Variants in KIF13B observed in about 807,000 individuals in gnomAD.
KIF13B encodes kinesin family member 13B, also known as kinesin-like protein KIF13B.
Under a neutral mutation model 222.0 loss-of-function variants are expected in KIF13B, and 127 were observed. The ratio of observed to expected loss-of-function variants is 0.57; its 90% CI spans 0.50 to 0.66. The LOEUF (loss-of-function observed/expected upper bound fraction) is 0.66, where lower values mean the gene tolerates loss of function less well. Among genes scored for constraint, KIF13B ranks in the 30% least tolerant of loss-of-function variants. The pLI is 0.00. For missense variants in KIF13B, 2,173 were observed against 2,379.0 expected (o/e 0.91, Z 1.80); for synonymous variants, 976 against 919.0 (o/e 1.06, Z -1.12).
chr8:29,103,202 A>G (rs1380231654), intron 35 of KIF13B, among the ~76,000 whole-genome samples: 2 of 150,746 alleles, frequency 1.3e-5, no homozygotes, highest in Non-Finnish European at 3.0e-5. Context: ...AGATAGCGCC[A>G]CTGCAGTCCG....
chr8:29,102,932 A>G (rs1563701894), intron 35 of KIF13B, among the ~76,000 whole-genome samples: 1 of 152,226 alleles, frequency 6.6e-6, no homozygotes, highest in Non-Finnish European at 1.5e-5. Flanking sequence ...TTCTCCTAAA[A>G]TAACTTTGGA....
intron 2 of KIF13B, among the ~76,000 whole-genome samples, chr8:29,212,903 A>C (rs1323197396): frequency 6.6e-6 from 1 of 151,178 alleles, no homozygotes; most frequent in East Asian, 1.9e-4. Context: ...CAAGTTTCTA[A>C]CTATTTAAGC....
chr8:29,154,130 T>A (rs1442336334), intron 14 of KIF13B, among the ~76,000 whole-genome samples: 1 of 152,118 alleles, frequency 6.6e-6, no homozygotes, highest in Non-Finnish European at 1.5e-5. Context: ...GGGCAACATA[T>A]CAAAACCCTG....
intron 33 of KIF13B, 42 bp from the exon 34 acceptor site, chr8:29,109,553 GAC>G (rs762386380): frequency 2.0e-6 from 3 of 1,520,052 alleles, no homozygotes; most frequent in East Asian, 2.3e-5. Context: ...ACATGTAAGA[GAC>G]ACACTGCAAA....
intron 1 of KIF13B, among the ~76,000 whole-genome samples, chr8:29,251,941 G>A (rs1816301197): frequency 6.6e-6 from 1 of 150,804 alleles, no homozygotes; most frequent in Non-Finnish European, 1.5e-5. Context: ...TATTTCATGA[G>A]TAATCAAGCT....
chr8:29,077,170 T>C (rs906339977), intron 37 of KIF13B, among the ~76,000 whole-genome samples: 2 of 152,102 alleles, frequency 1.3e-5, no homozygotes, highest in Non-Finnish European at 2.9e-5. Context: ...GTTAGGCCAT[T>C]GCACATGACA....
chr8:29,112,609 C>T (rs917320012), intron 32 of KIF13B, among the ~76,000 whole-genome samples: 2 of 152,118 alleles, frequency 1.3e-5, no homozygotes, highest in African/African-American at 4.8e-5. Context: ...CCCACTTCTC[C>T]AACCCCGAGG....
At position 29,262,998 on chromosome 8, in the gene KIF13B, G is replaced by C. The variant is rs1816745379; in HGVS notation, c.37C>G (p.Arg13Gly). ...CTCTCACCTCGCCGGTTCATGGGTC[G>C]TATCCGCACCGCCACTTTCACTTTG... ...DSKVKVAVRIRPMNRRETDLH... is the reference protein window; with the variant it reads ...DSKVKVAVRIGPMNRRETDLH... The change falls in exon 1 of 40, where the codon CGA becomes GGA. Residue 13 changes from arginine to glycine, a missense_variant. Arg to Gly is a moderately radical substitution (Grantham distance 125, BLOSUM62 -2). Around this residue, in one of 2 missense-constraint regions of KIF13B, gnomAD observed 1,480 missense variants for 1,722.8 expected, o/e 0.86. Transcript: ENST00000524189. The C allele has an allele frequency of 1.3e-6, 2 of 1,597,554 alleles. No individual in the cohort carries two copies. Among genetic ancestry groups the C allele is most frequent in the Middle Eastern group, 1.7e-4 (1 of 6,018 alleles).
At chr8:29,112,784 A>G (rs1809418167) in intron 32 of KIF13B, among the ~76,000 whole-genome samples, 1 of 152,218 alleles carries the variant, frequency 6.6e-6, no homozygotes, top group Non-Finnish European at 1.5e-5. Flanking sequence ...GAATGAATAC[A>G]TGTCTAATTC....
chr8:29,142,296 G>C lies in KIF13B; in HGVS notation c.2195C>G (p.Ser732Cys), dbSNP rs370214797. The change falls in exon 19 of 40, where the codon TCT (serine) becomes TGT (cysteine). Residue 732 changes from serine (S) to cysteine (C), a missense_variant. Transcript: ENST00000524189. ...SSLDANRKRGSLLSEPAIQVR... is the reference protein window; with the variant it reads ...SSLDANRKRGCLLSEPAIQVR... ...CTGGATTGCAGGCTCACTAAGAAGA[G>C]AGCCTCGCTGCAAAGAGAGTAAGAA... The C allele has an allele frequency of 2.5e-5, 40 of 1,611,678 alleles. No individual in the cohort carries two copies. Among genetic ancestry groups the C allele is most frequent in the Non-Finnish European group, 3.1e-5 (36 of 1,178,850 alleles).
intron 35 of KIF13B, among the ~76,000 whole-genome samples, chr8:29,107,484 C>T (rs1207992531): frequency 3.3e-5 from 5 of 151,766 alleles, no homozygotes; most frequent in East Asian, 1.9e-4. Context: ...GCCGAGATCG[C>T]GTCATTGCAC....
intron 13 of KIF13B, among the ~76,000 whole-genome samples, chr8:29,156,556 C>G (rs758104311): frequency 8.6e-5 from 13 of 151,638 alleles, no homozygotes; most frequent in Non-Finnish European, 1.8e-4. Context: ...TTTCTGTCAC[C>G]CAGGCTGGAG....
At chr8:29,132,166 C>T in intron 23 of KIF13B, 142 bp downstream of exon 23, 1 of 470,176 alleles carries the variant, frequency 2.1e-6, no homozygotes, top group Non-Finnish European at 3.5e-6. Context: ...GAATTGCTTA[C>T]TCCCAGGAGG....
intron 21 of KIF13B, among the ~76,000 whole-genome samples, chr8:29,136,262 T>C (rs1363312389): frequency 6.6e-6 from 1 of 152,162 alleles, no homozygotes; most frequent in Non-Finnish European, 1.5e-5. Context: ...TTACAAGATA[T>C]TGGAGTTACA....
At chr8:29,228,472 A>AAATATATATAT in intron 2 of KIF13B, among the ~76,000 whole-genome samples, 1 of 117,086 alleles carries the variant, frequency 8.5e-6, no homozygotes. Context: ...ATCTTAAAAA[A>AAATATATATAT]ATATATATAT....
At chr8:29,212,724 G>A (rs1814286464) in intron 2 of KIF13B, among the ~76,000 whole-genome samples, 2 of 151,362 alleles carry the variant, frequency 1.3e-5, no homozygotes, top group South Asian at 4.2e-4. Context: ...TGGGTCATGT[G>A]GTAAGTAAAT....
chr8:29,262,930 C>G, intron 1 of KIF13B, 50 bp downstream of exon 1: 1 of 1,483,614 alleles, frequency 6.7e-7, no homozygotes, highest in Non-Finnish European at 9.0e-7. Flanking sequence ...AAGGGCGCGC[C>G]AGGCACCTGC....
At chr8:29,180,477 C>T (rs1454300581) in intron 7 of KIF13B, among the ~76,000 whole-genome samples, 2 of 152,178 alleles carry the variant, frequency 1.3e-5, no homozygotes, top group Non-Finnish European at 2.9e-5. Context: ...ACTCAAAGTT[C>T]AGAAGCTACA....
chr8:29,107,947 C>G (rs1017648140), intron 35 of KIF13B, among the ~76,000 whole-genome samples, 192 bp downstream of exon 35: 4 of 152,100 alleles, frequency 2.6e-5, no homozygotes. Flanking sequence ...CCCCAGTAGT[C>G]AGAGTCTAAT....
Sources: allele counts gnomAD v4.1 joint callset (sites outside exome capture counted in the v4.1 genomes callset), GRCh38; gene constraint gnomAD v4.1.1; regional missense constraint gnomAD v4.1.1; transcripts MANE v1.5; gene names NCBI Gene and HGNC (gene_info 2026-07-23, HGNC 2026-07-21).